The following UNC13C variants were observed in gnomAD, a reference collection of about 807,000 sequenced individuals.
UNC13C encodes unc-13 homolog C, also known as protein unc-13 homolog C.
A neutral mutation model predicts 245.4 loss-of-function variants in UNC13C; 174 were observed. That is an observed-to-expected ratio of 0.71 (90% CI 0.63 to 0.80). The LOEUF is 0.80. Among genes scored for constraint, UNC13C ranks in the 30% least tolerant of loss-of-function variants. UNC13C has a pLI of 0.00. For synonymous variants in UNC13C, 992 were observed against 895.1 expected (o/e 1.11, Z -1.93); for missense variants, 2,829 against 2,602.9 (o/e 1.09, Z -1.89).
intron 22 of UNC13C, among the ~76,000 whole-genome samples, chr15:54,505,435 A>G (rs545985099): frequency 6.6e-6 from 1 of 152,326 alleles, no homozygotes; most frequent in East Asian, 1.9e-4. Flanking sequence ...TGACTCAGTA[A>G]TTTAGGATAG....
intron 4 of UNC13C, among the ~76,000 whole-genome samples, chr15:54,233,026 G>A (rs1393104991): frequency 6.6e-6 from 1 of 152,116 alleles, no homozygotes; most frequent in Non-Finnish European, 1.5e-5. Flanking sequence ...GTATTCTGAA[G>A]GTGGGGCTTA....
intron 30 of UNC13C, among the ~76,000 whole-genome samples, chr15:54,584,264 T>A (rs1476794288): frequency 6.6e-6 from 1 of 152,226 alleles, no homozygotes; most frequent in East Asian, 1.9e-4. Context: ...TACTGTAAAA[T>A]GTGTTTATGA....
At chr15:54,491,948 C>G (rs994225756) in intron 19 of UNC13C, among the ~76,000 whole-genome samples, 3 of 151,308 alleles carry the variant, frequency 2.0e-5, no homozygotes, top group Non-Finnish European at 4.4e-5. Flanking sequence ...GCCGAGATCA[C>G]ACCACTGCAC....
At chr15:53,858,609 C>A in the UNC13C span, among the ~76,000 whole-genome samples, 1 of 151,686 alleles carries the variant, frequency 6.6e-6, no homozygotes, top group Non-Finnish European at 1.5e-5. Flanking sequence ...TTCATAGAGA[C>A]GGGGTTTCAC....
intron 4 of UNC13C, among the ~76,000 whole-genome samples, chr15:54,213,734 T>C (rs1009787976): frequency 6.6e-6 from 1 of 152,022 alleles, no homozygotes; most frequent in African/African-American, 2.4e-5. Flanking sequence ...TAACCAAAAA[T>C]AGATAAAGCT....
chr15:54,014,087 A>G lies in UNC13C; in HGVS notation c.1184A>G (p.Tyr395Cys). Residue 395 changes from tyrosine (Y) to cysteine (C), a missense_variant, in exon 2 of 33, where the codon TAT becomes TGT. Coordinates refer to ENST00000260323, the MANE Select transcript of UNC13C (RefSeq NM_001080534.3). ...AGGGATTCTGTCTTAAAAAAGTCAT[A>G]TAAACTCAAAGGAACAGGCATTGGA... ...QQRDSVLKKS[Y>C]KLKGTGIGIS... 1 of 1,613,770 alleles carries G rather than the reference A, an allele frequency of 6.2e-7. No homozygotes were observed. Among genetic ancestry groups the G allele is most frequent in the Non-Finnish European group, 8.5e-7 (1 of 1,179,830 alleles).
Position 54,389,812 on chromosome 15 carries a change from G to A in UNC13C, c.4714-3236G>A, listed in dbSNP as rs145582581. ...GGCACAATCTTGGCTCACTGCAACC[G>A]CCACCTCTCAGGTTCGAGCAATTCT... On this transcript the variant is annotated intron_variant, in intron 17 of 32. Coordinates refer to ENST00000260323, the MANE Select transcript of UNC13C (RefSeq NM_001080534.3). Among the ~76,000 whole-genome samples, 665 of 151,388 alleles carry A rather than the reference G, an allele frequency of 4.4e-3. 31 individuals carry two copies. In the East Asian group the frequency reaches 0.094, roughly 21 times the overall value.
At chr15:54,596,618 T>C (rs1053497586) in intron 30 of UNC13C, among the ~76,000 whole-genome samples, 19 of 152,192 alleles carry the variant, frequency 1.2e-4, no homozygotes. Flanking sequence ...ATTTTGTCTT[T>C]TCCAACTCGC....
At chr15:53,981,011 C>T (rs1893904676) in intron 1 of UNC13C, among the ~76,000 whole-genome samples, 1 of 152,104 alleles carries the variant, frequency 6.6e-6, no homozygotes, top group Admixed American at 6.6e-5. Context: ...TATGTTGGGG[C>T]TTAGGTGGGG....
chr15:54,549,714 T>C (rs770860997), intron 28 of UNC13C, 23 bp downstream of exon 28: 2 of 1,523,300 alleles, frequency 1.3e-6, no homozygotes, highest in South Asian at 2.4e-5. Flanking sequence ...AGGAAATTAC[T>C]TATTCATGGA....
chr15:54,418,587 C>T (rs1170472519), intron 19 of UNC13C, among the ~76,000 whole-genome samples: 2 of 152,078 alleles, frequency 1.3e-5, no homozygotes, highest in Admixed American at 6.6e-5. Flanking sequence ...GCATTTGGGG[C>T]ATCCTGGTTA....
intron 4 of UNC13C, among the ~76,000 whole-genome samples, chr15:54,183,757 G>GAA (rs56121438): frequency 1.9e-4 from 22 of 115,016 alleles, no homozygotes; most frequent in Non-Finnish European, 2.2e-4. Flanking sequence ...TTGTGAGACA[G>GAA]AAAAAAAAAA....
intron 30 of UNC13C, among the ~76,000 whole-genome samples, chr15:54,593,108 T>C (rs796284357): frequency 6.6e-6 from 1 of 152,210 alleles, no homozygotes; most frequent in South Asian, 2.1e-4. Flanking sequence ...TAATAATTGT[T>C]TTATTTGAGG....
intron 18 of UNC13C, among the ~76,000 whole-genome samples, chr15:54,406,665 C>A (rs1022319961): frequency 1.3e-5 from 2 of 152,136 alleles, no homozygotes; most frequent in Non-Finnish European, 2.9e-5. Context: ...CCTTGTGTCA[C>A]GAGTACAATT....
At chr15:54,274,126 AG>A (rs1389888718) in intron 10 of UNC13C, among the ~76,000 whole-genome samples, 1 of 152,142 alleles carries the variant, frequency 6.6e-6, no homozygotes, top group Non-Finnish European at 1.5e-5. Flanking sequence ...CATCGTCAAC[AG>A]GGGGAGCCAG....
chr15:54,162,224 G>A (rs962174915), intron 4 of UNC13C, among the ~76,000 whole-genome samples: 2 of 152,116 alleles, frequency 1.3e-5, no homozygotes, highest in Non-Finnish European at 2.9e-5. Flanking sequence ...GGTGAACTCA[G>A]GCAAGTGACT....
At chr15:54,176,469 T>C (rs1897049) in intron 4 of UNC13C, among the ~76,000 whole-genome samples, 12,606 of 152,194 alleles carry the variant, frequency 0.083, 728 homozygotes, top group African/African-American at 0.16. Flanking sequence ...TTACCTTTTA[T>C]AATGTCTCCA....
At chr15:53,966,773 T>A in the UNC13C span, among the ~76,000 whole-genome samples, 9 of 152,082 alleles carry the variant, frequency 5.9e-5, no homozygotes, top group Non-Finnish European at 2.9e-5. Flanking sequence ...AATTTTTTTG[T>A]TTTACATTTT....
At chr15:54,420,293 G>T (rs980142363) in intron 19 of UNC13C, among the ~76,000 whole-genome samples, 2 of 152,022 alleles carry the variant, frequency 1.3e-5, no homozygotes, top group African/African-American at 2.4e-5. Context: ...GTAGTTGCGG[G>T]CTGTCAGCAG....
Sources: allele counts gnomAD v4.1 joint callset (sites outside exome capture counted in the v4.1 genomes callset), GRCh38; gene constraint gnomAD v4.1.1; transcripts MANE v1.5; gene names NCBI Gene and HGNC (gene_info 2026-07-23, HGNC 2026-07-21).